The following MTA3 variants were observed in gnomAD, a reference collection of about 807,000 sequenced individuals.
MTA3 encodes metastasis associated 1 family member 3.
In MTA3, 34 loss-of-function variants were observed where a neutral mutation model predicts 83.5. The ratio of observed to expected loss-of-function variants is 0.41; its 90% CI spans 0.31 to 0.54. The LOEUF is 0.54. Among genes scored for constraint, MTA3 ranks in the 20% least tolerant of loss-of-function variants. The pLI is 0.33. For synonymous variants in MTA3, 303 were observed against 252.7 expected (o/e 1.20, Z -1.89); for missense variants, 761 against 726.4 (o/e 1.05, Z -0.55).
At chr2:42,560,015 G>A (rs1174211014) in intron 2 of MTA3, among the ~76,000 whole-genome samples, 9 of 151,812 alleles carry the variant, frequency 5.9e-5, no homozygotes. Context: ...TTCTCTTCCT[G>A]AGGGTTCATA....
intron 11 of MTA3, chr2:42,703,365 G>C (rs1665763114): frequency 6.6e-6 from 1 of 152,152 alleles, no homozygotes; most frequent in Admixed American, 6.6e-5. Context: ...AGCTCCTGAA[G>C]TCCTAAGTGA....
chr2:42,636,731 A>G (rs1687243441), intron 4 of MTA3, among the ~76,000 whole-genome samples: 1 of 145,296 alleles, frequency 6.9e-6, no homozygotes. Flanking sequence ...GGTTCAAGCC[A>G]TTCTCCTGCC....
At chr2:42,495,216 T>C (rs1674078057) in exon 2 of MTA3, 1 of 152,510 alleles carries the variant, frequency 6.6e-6, no homozygotes, top group South Asian at 2.1e-4. Flanking sequence ...GCGCTGGTTC[T>C]TAAGTGGATT....
intron 2 of MTA3, among the ~76,000 whole-genome samples, chr2:42,533,897 G>A (rs1180638670): frequency 3.3e-5 from 5 of 151,452 alleles, no homozygotes; most frequent in Middle Eastern, 3.4e-3. Flanking sequence ...CAGAGCAGCC[G>A]ATTTTCTCTC....
rs1183072660 is a variant in MTA3, at chr2:42,609,518, A to G, written c.251A>G (p.His84Arg). 1 of 1,613,962 alleles carries G rather than the reference A, an allele frequency of 6.2e-7. No individual in the cohort carries two copies. Among genetic ancestry groups the G allele is most frequent in the Non-Finnish European group, 8.5e-7 (1 of 1,179,856 alleles). The change falls in exon 4 of 17, where the codon CAT (histidine) becomes CGT (arginine). Residue 84 changes from histidine (H) to arginine (R), a missense_variant. Transcript: ENST00000405094. ...VEADLTDKQKHQLKHRELFLS... is the reference protein window; with the variant it reads ...VEADLTDKQKRQLKHRELFLS... ...GCTGACTTGACCGATAAGCAGAAAC[A>G]TCAGTTGAAACATAGGGAACTCTTT...
At chr2:42,614,529 C>G (rs1324181939) in intron 4 of MTA3, among the ~76,000 whole-genome samples, 1 of 152,180 alleles carries the variant, frequency 6.6e-6, no homozygotes, top group African/African-American at 2.4e-5. Flanking sequence ...AACACAACTC[C>G]TCACAATTAT....
At chr2:42,713,331 T>G (rs551274095) in intron 14 of MTA3, among the ~76,000 whole-genome samples, 1 of 139,852 alleles carries the variant, frequency 7.2e-6, no homozygotes, top group Non-Finnish European at 1.5e-5. Flanking sequence ...ATGAGATTTT[T>G]CTAGAGATTT....
intron 16 of MTA3, among the ~76,000 whole-genome samples, chr2:42,741,736 C>T (rs1669045676): frequency 1.3e-5 from 2 of 152,040 alleles, no homozygotes; most frequent in Admixed American, 1.3e-4. Flanking sequence ...TTAAGTTTCC[C>T]ATCTTATATG....
intron 2 of MTA3, among the ~76,000 whole-genome samples, chr2:42,504,090 A>G (rs1558401238): frequency 6.6e-6 from 1 of 151,758 alleles, no homozygotes; most frequent in Non-Finnish European, 1.5e-5. Context: ...CGCCCAGCCC[A>G]GCTAACTTAT....
intron 8 of MTA3, among the ~76,000 whole-genome samples, chr2:42,666,326 C>T (rs1233047103): frequency 2.0e-5 from 3 of 152,186 alleles, no homozygotes; most frequent in Non-Finnish European, 4.4e-5. Flanking sequence ...TTTGCTACCT[C>T]CTACCTTATA....
In MTA3 at chr2:42,756,655, C is replaced by T. The variant is rs1670258250; in HGVS notation, c.*3256C>T. The T allele has an allele frequency of 1.0e-6, 1 of 985,426 alleles. No individual in the cohort carries two copies. The highest frequency in any genetic ancestry group is 1.2e-6 in the Non-Finnish European group (1 of 829,950). 61.0% of individuals were successfully genotyped at this position (985,426 alleles called of 1,614,324 possible). Reference sequence around the variant, plus strand: ...GGGAGGGGGAAGCCTTTATTCTTTACTGTTGTCCCTGTTTTCCTTTGGGGG... The same window carrying T: ...GGGAGGGGGAAGCCTTTATTCTTTATTGTTGTCCCTGTTTTCCTTTGGGGG... On this transcript the variant is annotated 3_prime_UTR_variant, in exon 17 of 17. Transcript: ENST00000405094.
At chr2:42,638,505 C>T (rs1039160540) in intron 4 of MTA3, among the ~76,000 whole-genome samples, 5 of 151,896 alleles carry the variant, frequency 3.3e-5, no homozygotes, top group Non-Finnish European at 4.4e-5. Context: ...CCCCCAACCG[C>T]GAGTAGCTGG....
chr2:42,521,944 G>C (rs1416347350), intron 2 of MTA3, among the ~76,000 whole-genome samples: 1 of 151,870 alleles, frequency 6.6e-6, no homozygotes, highest in Non-Finnish European at 1.5e-5. Context: ...TGTAGAGATG[G>C]GGTTTCACCA....
intron 4 of MTA3, among the ~76,000 whole-genome samples, chr2:42,616,636 T>C (rs568008515): frequency 6.5e-4 from 90 of 138,250 alleles, no homozygotes; most frequent in African/African-American, 2.3e-3. Flanking sequence ...TGGAATGTAG[T>C]GGCACAATCA....
At position 42,525,803 on chromosome 2, in the gene MTA3, G is replaced by A. The variant is rs565218247; in HGVS notation, c.-141+30549G>A. Among the ~76,000 whole-genome samples, 16 of 151,114 alleles carry A rather than the reference G, an allele frequency of 1.1e-4. 1 individual carries two copies. In the South Asian group the frequency reaches 3.4e-3, roughly 32 times the overall value. ...CTCTCAAGAAGCTGGGACCACAGGT[G>A]CACGCCACCATGCCTGGCTAATTTT... On this transcript the variant is annotated intron_variant, in intron 2 of 17. Coordinates refer to the MTA3 transcript ENST00000405592.
chr2:42,649,473 T>C (rs1388007856), intron 6 of MTA3, among the ~76,000 whole-genome samples: 1 of 152,084 alleles, frequency 6.6e-6, no homozygotes, highest in Non-Finnish European at 1.5e-5. Flanking sequence ...ATTAAAATAG[T>C]ATATCTTTTG....
intron 16 of MTA3, among the ~76,000 whole-genome samples, chr2:42,747,238 T>G (rs1383053402): frequency 3.9e-5 from 6 of 152,032 alleles, no homozygotes; most frequent in Non-Finnish European, 8.8e-5. Flanking sequence ...GACCTCAGGT[T>G]ATCCGCCCAC....
chr2:42,715,849 G>C (rs1024493998), intron 14 of MTA3, among the ~76,000 whole-genome samples: 6 of 152,130 alleles, frequency 3.9e-5, no homozygotes, highest in African/African-American at 1.4e-4. Flanking sequence ...CTAGTAATAT[G>C]GTGATTGCCT....
chr2:42,741,315 A>G (rs1398560961), intron 16 of MTA3, among the ~76,000 whole-genome samples: 1 of 152,172 alleles, frequency 6.6e-6, no homozygotes, highest in Non-Finnish European at 1.5e-5. Context: ...ATCAGCAGTA[A>G]GATTGTTTCA....
Sources: allele counts gnomAD v4.1 joint callset (sites outside exome capture counted in the v4.1 genomes callset), GRCh38; gene constraint gnomAD v4.1.1; transcripts MANE v1.5; gene names NCBI Gene and HGNC (gene_info 2026-07-23, HGNC 2026-07-21).